Variants in ROBO2 observed in about 807,000 individuals in gnomAD.
The protein encoded by ROBO2 is roundabout homolog 2.
Under a neutral mutation model 160.8 loss-of-function variants are expected in ROBO2, and 53 were observed. That is an observed-to-expected ratio of 0.33 (90% CI 0.26 to 0.41). The LOEUF (loss-of-function observed/expected upper bound fraction) is 0.41, where lower values mean the gene tolerates loss of function less well. Among genes scored for constraint, ROBO2 ranks in the 10% least tolerant of loss-of-function variants. The probability of loss-of-function intolerance (pLI) is 1.00; values close to 1 mark genes in which losing one functional copy is unlikely to be tolerated. For missense variants in ROBO2, 1,577 were observed against 1,722.4 expected, an observed-to-expected ratio of 0.92 and a Z score of 1.49; for synonymous variants, 664 against 611.7, an observed-to-expected ratio of 1.09 and a Z score of -1.26.
chr3:76,383,849 A>G (rs1029904943), intron 2 of ROBO2, among the ~76,000 whole-genome samples: 7 of 152,360 alleles, frequency 4.6e-5, no homozygotes, highest in Admixed American at 1.3e-4. Flanking sequence ...TGTGAACTCT[A>G]TGTAAGGTTA....
intron 2 of ROBO2, among the ~76,000 whole-genome samples, chr3:76,441,378 T>C (rs1224970292): frequency 1.3e-5 from 2 of 152,198 alleles, no homozygotes; most frequent in Non-Finnish European, 2.9e-5. Context: ...AAACATTTCC[T>C]GGTCTTTAAT....
At position 77,634,963 on chromosome 3, in the gene ROBO2, C is replaced by T. The variant is rs560747550; in HGVS notation, c.3854C>T (p.Pro1285Leu). Residue 1285 changes from proline to leucine, a missense_variant, in exon 24 of 26, where the codon CCT becomes CTT. Coordinates refer to ENST00000461745, the Ensembl canonical transcript of ROBO2. Reference sequence around the variant, plus strand: ...GCAGCCCTGAGTCAAAGTCAGAGGCCTCGGCCCACTAAAAAACACAAGGGA... The same window carrying T: ...GCAGCCCTGAGTCAAAGTCAGAGGCTTCGGCCCACTAAAAAACACAAGGGA... 2.9e-5 allele frequency: 47 copies of T among 1,614,148 alleles called. No homozygotes were observed. The African/African-American group carries it at 5.6e-4, about 19-fold the overall frequency.
At chr3:76,439,408 C>T (rs62263763) in intron 2 of ROBO2, among the ~76,000 whole-genome samples, 9,700 of 149,268 alleles carry the variant, frequency 0.065, 363 homozygotes, top group Middle Eastern at 0.1. Flanking sequence ...AAAATGGGAT[C>T]CTGCTGAAGG....
chr3:77,543,079 C>T (rs571103004), intron 6 of ROBO2, among the ~76,000 whole-genome samples: 2 of 152,242 alleles, frequency 1.3e-5, no homozygotes, highest in Non-Finnish European at 2.9e-5. Context: ...AGTCACCTTA[C>T]CACTCTTCGC....
chr3:76,004,025 A>G (rs778523666), intron 2 of ROBO2, among the ~76,000 whole-genome samples: 16 of 152,306 alleles, frequency 1.1e-4, no homozygotes, highest in Admixed American at 7.2e-4. Context: ...TAAATCTATC[A>G]TATGACTCAA....
intron 2 of ROBO2, among the ~76,000 whole-genome samples, chr3:76,607,757 G>A (rs2087773113): frequency 1.3e-5 from 2 of 152,116 alleles, no homozygotes; most frequent in African/African-American, 4.8e-5. Flanking sequence ...CTATCACCCA[G>A]CAAATATTTG....
At chr3:76,068,614 C>A (rs2068341288) in intron 2 of ROBO2, among the ~76,000 whole-genome samples, 1 of 152,162 alleles carries the variant, frequency 6.6e-6, no homozygotes, top group South Asian at 2.1e-4. Context: ...TGCAAACATG[C>A]TACAATTATT....
At chr3:76,527,817 A>C (rs142604587) in intron 2 of ROBO2, among the ~76,000 whole-genome samples, 1 of 152,148 alleles carries the variant, frequency 6.6e-6, no homozygotes, top group South Asian at 2.1e-4. Context: ...TGGTCAGGAA[A>C]GGATTCATAA....
chr3:77,084,854 C>T (rs1396999264), intron 1 of ROBO2, among the ~76,000 whole-genome samples: 6 of 152,092 alleles, frequency 3.9e-5, no homozygotes. Flanking sequence ...TGCTGCTCTT[C>T]TCCATTCAGC....
chr3:76,262,748 CA>C (rs972636249), intron 2 of ROBO2, among the ~76,000 whole-genome samples: 25 of 152,078 alleles, frequency 1.6e-4, no homozygotes, highest in African/African-American at 6.0e-4. Context: ...CAGATGTTTC[CA>C]GGGGTCATAA....
At chr3:75,913,954 G>A (rs1003365709) in intron 1 of ROBO2, among the ~76,000 whole-genome samples, 1 of 152,142 alleles carries the variant, frequency 6.6e-6, no homozygotes, top group African/African-American at 2.4e-5. Flanking sequence ...TAATGGTCAT[G>A]TCAGCCTTTG....
chr3:77,194,097 G>C (rs2082113437), intron 2 of ROBO2, among the ~76,000 whole-genome samples: 1 of 152,168 alleles, frequency 6.6e-6, no homozygotes, highest in African/African-American at 2.4e-5. Flanking sequence ...CATGAATATT[G>C]ATTCAAATAT....
chr3:77,097,300 T>A (rs1314770084), intron 1 of ROBO2, among the ~76,000 whole-genome samples: 3 of 152,030 alleles, frequency 2.0e-5, no homozygotes, highest in Admixed American at 1.3e-4. Flanking sequence ...CTAAATGTAA[T>A]TTTTTTCGGG....
At chr3:76,414,957 T>C (rs988043066) in intron 2 of ROBO2, among the ~76,000 whole-genome samples, 11 of 152,240 alleles carry the variant, frequency 7.2e-5, no homozygotes, top group African/African-American at 2.6e-4. Flanking sequence ...TGAATTTCTG[T>C]CCTCACCAGG....
intron 2 of ROBO2, among the ~76,000 whole-genome samples, chr3:76,798,119 A>G (rs1254762562): frequency 7.2e-6 from 1 of 139,742 alleles, no homozygotes; most frequent in Non-Finnish European, 1.5e-5. Flanking sequence ...GAAAGAAGAG[A>G]AAGAAGAAAG....
At chr3:76,243,917 T>C (rs770102265) in intron 2 of ROBO2, among the ~76,000 whole-genome samples, 12 of 152,190 alleles carry the variant, frequency 7.9e-5, no homozygotes, top group Non-Finnish European at 1.5e-5. Flanking sequence ...GAGAACAATG[T>C]AAGTTTTTTT....
chr3:76,912,749 CGTTA>C (rs2076068979), intron 2 of ROBO2, among the ~76,000 whole-genome samples: 1 of 151,956 alleles, frequency 6.6e-6, no homozygotes, highest in Non-Finnish European at 1.5e-5. Context: ...CTAAACTTAA[CGTTA>C]ATTAGGCAAT....
At chr3:77,146,781 A>G (rs1310563403) in intron 2 of ROBO2, among the ~76,000 whole-genome samples, 3 of 152,118 alleles carry the variant, frequency 2.0e-5, no homozygotes, top group Admixed American at 6.5e-5. Context: ...AGCCTGGCCA[A>G]AATGGTGAAG....
chr3:77,518,403 C>T (rs934921939), intron 5 of ROBO2, among the ~76,000 whole-genome samples: 6 of 151,398 alleles, frequency 4.0e-5, no homozygotes, highest in Non-Finnish European at 5.9e-5. Context: ...AAAGATTCAG[C>T]GAGAAATGAG....
Sources: gnomAD v4.1 joint callset for allele counts (sites outside exome capture counted in the v4.1 genomes callset) on GRCh38, gnomAD v4.1.1 for gene constraint, MANE v1.5 for transcripts, NCBI Gene and HGNC (gene_info 2026-07-23, HGNC 2026-07-21) for gene names.